Variants in SCN8A observed in about 807,000 individuals in gnomAD.
SCN8A encodes sodium channel protein type 8 subunit alpha.
In SCN8A, 30 loss-of-function variants were observed where a neutral mutation model predicts 184.1. The ratio of observed to expected loss-of-function variants is 0.16; its 90% CI spans 0.12 to 0.22. SCN8A has a LOEUF of 0.22. Ranked by LOEUF, SCN8A falls within the 10% of genes least tolerant of loss-of-function variation. The probability of loss-of-function intolerance (pLI) is 1.00; values close to 1 mark genes in which losing one functional copy is unlikely to be tolerated. For synonymous variants in SCN8A, 852 were observed against 907.0 expected, an observed-to-expected ratio of 0.94 and a Z score of 1.09; for missense variants, 1,057 against 2,498.9, an observed-to-expected ratio of 0.42 and a Z score of 12.30.
intron 19 of SCN8A, among the ~76,000 whole-genome samples, chr12:51,772,285 C>G (rs183972929): frequency 8.3e-4 from 126 of 151,902 alleles, no homozygotes; most frequent in African/African-American, 2.8e-3. Context: ...ATCCCAGCTA[C>G]TCAGGAGGCT....
intron 8 of SCN8A, 113 bp downstream of exon 8, chr12:51,701,320 CA>C (rs1344169357): frequency 2.6e-5 from 15 of 567,594 alleles, no homozygotes; most frequent in Middle Eastern, 2.9e-4. Context: ...GTAGACCTTA[CA>C]ATTGCATCTG....
intron 1 of SCN8A, among the ~76,000 whole-genome samples, chr12:51,658,706 T>C (rs1168759095): frequency 6.6e-6 from 1 of 152,222 alleles, no homozygotes; most frequent in Non-Finnish European, 1.5e-5. Context: ...AAACTGCTTA[T>C]GTTTTAGAAC....
chr12:51,711,102 T>A (rs1252735695), intron 11 of SCN8A, among the ~76,000 whole-genome samples: 1 of 152,236 alleles, frequency 6.6e-6, no homozygotes, highest in Non-Finnish European at 1.5e-5. Context: ...GTTCAGCCTC[T>A]TTTGGGGAAA....
At chr12:51,639,692 C>G (rs141337341) in intron 1 of SCN8A, among the ~76,000 whole-genome samples, 1 of 151,966 alleles carries the variant, frequency 6.6e-6, no homozygotes, top group Non-Finnish European at 1.5e-5. Flanking sequence ...TCATTGTTGT[C>G]TTATTTTAAG....
chr12:51,673,828 AGAAGT>A (rs756341707), intron 2 of SCN8A, among the ~76,000 whole-genome samples: 7 of 152,212 alleles, frequency 4.6e-5, no homozygotes, highest in Non-Finnish European at 5.9e-5. Context: ...CTGCTCTAAT[AGAAGT>A]AAGTACAAGT....
At chr12:51,741,100 T>A (rs1463726219) in intron 12 of SCN8A, among the ~76,000 whole-genome samples, 5 of 152,212 alleles carry the variant, frequency 3.3e-5, no homozygotes, top group African/African-American at 1.2e-4. Context: ...GTCTATCTCT[T>A]TAGCTATAAT....
intron 6 of SCN8A, among the ~76,000 whole-genome samples, chr12:51,690,756 G>T (rs902946285): frequency 6.6e-6 from 1 of 152,310 alleles, no homozygotes; most frequent in Admixed American, 6.5e-5. Context: ...AGACTGGAAT[G>T]TGGTTTACTG....
intron 1 of SCN8A, among the ~76,000 whole-genome samples, chr12:51,599,785 G>A (rs753849143): frequency 2.0e-5 from 3 of 152,126 alleles, no homozygotes; most frequent in Non-Finnish European, 4.4e-5. Context: ...GGGAAGGAAG[G>A]AAAGTAAATA....
chr12:51,806,153 A>G lies in SCN8A; in HGVS notation c.4796-129A>G. On this transcript the variant is annotated intron_variant, in intron 26 of 26. Coordinates refer to ENST00000627620, the MANE Select transcript of SCN8A (RefSeq NM_001330260.2). The surrounding 1 kb of genome is among the most constrained non-coding windows in gnomAD (Gnocchi z 8.7). ...AAAATGTCACTTTTTGAGAGTTCAG[A>G]CTGAATAGTAAGGCACTTATTCTGC... is the stretch of plus-strand genomic sequence containing the variant. 2 of 857,148 alleles carry G rather than the reference A, an allele frequency of 2.3e-6. No homozygotes were observed. Among genetic ancestry groups the G allele is most frequent in the Non-Finnish European group, 3.5e-6 (2 of 579,280 alleles). 53.1% of individuals were successfully genotyped at this position (857,148 alleles called of 1,614,324 possible).
At chr12:51,750,402 G>T (rs1210991009) in intron 13 of SCN8A, among the ~76,000 whole-genome samples, 4 of 152,146 alleles carry the variant, frequency 2.6e-5, no homozygotes, top group African/African-American at 7.2e-5. Context: ...GCTGTAGAAA[G>T]AAAGAGAAAA....
At chr12:51,778,039 G>A (rs1280991345) in intron 20 of SCN8A, among the ~76,000 whole-genome samples, 1 of 152,172 alleles carries the variant, frequency 6.6e-6, no homozygotes, top group Non-Finnish European at 1.5e-5. Context: ...GATAATGATG[G>A]ATAGATGGAG....
intron 1 of SCN8A, among the ~76,000 whole-genome samples, chr12:51,606,334 G>A (rs189329088): frequency 2.0e-5 from 3 of 152,114 alleles, no homozygotes; most frequent in African/African-American, 7.2e-5. Flanking sequence ...AGCACCATTT[G>A]TTGAAAAGGG....
intron 16 of SCN8A, 107 bp from the exon 17 acceptor site, chr12:51,768,758 C>A: frequency 1.2e-6 from 1 of 808,968 alleles, no homozygotes; most frequent in Non-Finnish European, 1.9e-6. Context: ...CACAACAGAG[C>A]CTCTTTGAGT....
intron 1 of SCN8A, among the ~76,000 whole-genome samples, chr12:51,612,222 C>T (rs565325351): frequency 2.0e-5 from 3 of 152,162 alleles, no homozygotes; most frequent in East Asian, 1.9e-4. Flanking sequence ...AGTGTAGTGG[C>T]GCGAACGCAG....
rs567180479 is a variant in SCN8A at position 51,646,381 on chromosome 12, C to A, written c.-54-16383C>A. On this transcript the variant is annotated intron_variant, in intron 1 of 26. Transcript: ENST00000627620. ...CAGAAGCAGCCACAGACAATACTTA[C>A]ATAAATATGGCTGCATTCTAGTAAA... Among the ~76,000 whole-genome samples the A allele has an allele frequency of 7.9e-5, 12 of 152,334 alleles. No individual in the cohort carries two copies. The South Asian group carries it at 2.5e-3, about 32-fold the overall frequency.
chr12:51,660,659 A>G (rs186559920), intron 1 of SCN8A, among the ~76,000 whole-genome samples: 1 of 152,352 alleles, frequency 6.6e-6, no homozygotes, highest in Non-Finnish European at 1.5e-5. Context: ...GGCAAGCTAC[A>G]TTAGTTTTCT....
intron 13 of SCN8A, 54 bp from the exon 14 acceptor site, chr12:51,751,301 C>G: frequency 8.6e-7 from 1 of 1,165,036 alleles, no homozygotes; most frequent in African/African-American, 1.5e-5. Context: ...GTAGTGTGTC[C>G]CCCTGGTTTT....
intron 1 of SCN8A, among the ~76,000 whole-genome samples, chr12:51,618,485 ACACACACACACAC>A (rs1939892374): frequency 2.0e-5 from 3 of 151,114 alleles, no homozygotes; most frequent in Non-Finnish European, 3.0e-5. Flanking sequence ...ACACACACAC[ACACACACACACAC>A]ACACACACAC....
chr12:51,703,840 T>C (rs1039661966), intron 9 of SCN8A, among the ~76,000 whole-genome samples: 1 of 152,202 alleles, frequency 6.6e-6, no homozygotes, highest in African/African-American at 2.4e-5. Context: ...TACCTTTCTG[T>C]TGCACAGCCT....
Sources: allele counts gnomAD v4.1 joint callset (sites outside exome capture counted in the v4.1 genomes callset), GRCh38; gene constraint gnomAD v4.1.1; non-coding constraint Gnocchi (gnomAD v3.1); transcripts MANE v1.5; gene names NCBI Gene and HGNC (gene_info 2026-07-23, HGNC 2026-07-21).